The following GAS2 variants were observed in gnomAD, a reference collection of about 807,000 sequenced individuals.
GAS2 encodes growth arrest-specific protein 2.
In GAS2, 20 loss-of-function variants were observed where a neutral mutation model predicts 37.5. The observed-to-expected ratio is 0.53, with a 90% CI of 0.37 to 0.77. The LOEUF (loss-of-function observed/expected upper bound fraction) is 0.77. GAS2 is among the 30% of genes least tolerant of loss of function. GAS2 has a pLI of 0.00. For synonymous variants in GAS2, 144 were observed against 132.2 expected (o/e 1.09, Z -0.61); for missense variants, 336 against 373.4 (o/e 0.90, Z 0.82).
chr11:22,651,605 G>A (rs1848776559), intron 1 of GAS2, among the ~76,000 whole-genome samples: 1 of 151,850 alleles, frequency 6.6e-6, no homozygotes, highest in South Asian at 2.1e-4. Context: ...TTTCTTGGAG[G>A]CTGTGCTCAT....
rs1374052510 is a variant in GAS2, at chr11:22,778,806, CTG to C, written c.723+22857_723+22858del. The stretch of plus-strand genomic sequence containing the variant: ...CCAAGTGCCATGAAGAATGTTGAAA[CTG>C]TGTATGTGTGCATTTGTTCTGTGAA... On this transcript the variant is annotated intron_variant, in intron 7 of 7. Coordinates refer to ENST00000454584, the MANE Select transcript of GAS2 (RefSeq NM_001143830.3). 1.1e-3 allele frequency among the ~76,000 whole-genome samples: 164 copies of C among 152,286 alleles called. 1 individual carries two copies. The highest frequency in any genetic ancestry group is 3.2e-3 in the African/African-American group (135 of 41,562).
intron 7 of GAS2, among the ~76,000 whole-genome samples, chr11:22,803,652 A>G (rs1295635998): frequency 6.6e-6 from 1 of 152,150 alleles, no homozygotes; most frequent in Non-Finnish European, 1.5e-5. Flanking sequence ...TGATAATGAC[A>G]TTATAGATTA....
rs1850025937 is a variant in GAS2, at chr11:22,687,555, A to C, written c.267+1766A>C. 3.9e-5 allele frequency among the ~76,000 whole-genome samples: 6 copies of C among 152,312 alleles called. No homozygotes were observed. In the East Asian group the frequency reaches 1.2e-3, roughly 29 times the overall value. ...AAGATTGGCTAGTAAGTGACCAAGC[A>C]AGAATTTGACACAGACAACTTTGCA... On this transcript the variant is annotated intron_variant, in intron 3 of 7. Coordinates refer to ENST00000454584, the MANE Select transcript of GAS2 (RefSeq NM_001143830.3).
At chr11:22,635,973 A>G (rs1252980011) in intron 1 of GAS2, among the ~76,000 whole-genome samples, 1 of 151,866 alleles carries the variant, frequency 6.6e-6, no homozygotes. Context: ...GGGGACTCAC[A>G]GTTTTCTGCC....
chr11:22,715,671 A>C (rs1851639591), intron 3 of GAS2, among the ~76,000 whole-genome samples: 1 of 151,862 alleles, frequency 6.6e-6, no homozygotes, highest in Non-Finnish European at 1.5e-5. Flanking sequence ...CTCTGAAGAG[A>C]CCAATAACAA....
intron 3 of GAS2, among the ~76,000 whole-genome samples, chr11:22,699,286 G>T (rs1850703890): frequency 6.6e-6 from 1 of 152,110 alleles, no homozygotes; most frequent in African/African-American, 2.4e-5. Flanking sequence ...AGTCTTTACT[G>T]TACCCCTTCC....
At chr11:22,729,579 C>T (rs1024909388) in intron 4 of GAS2, among the ~76,000 whole-genome samples, 3 of 151,600 alleles carry the variant, frequency 2.0e-5, no homozygotes, top group Admixed American at 1.3e-4. Flanking sequence ...ATCATGTGTT[C>T]GCTACATCCT....
chr11:22,789,311 CACACACACACACACACACACAA>C (rs1440327323), intron 7 of GAS2, among the ~76,000 whole-genome samples: 1 of 94,906 alleles, frequency 1.1e-5, no homozygotes, highest in African/African-American at 4.2e-5. Flanking sequence ...TATACACACA[CACACACACACACACACACACAA>C]ACACACACAC....
At chr11:22,716,503 C>G (rs598168) in intron 3 of GAS2, among the ~76,000 whole-genome samples, 133,845 of 151,880 alleles carry the variant, frequency 0.88, 61,212 homozygotes, top group East Asian at 1. Flanking sequence ...AGTCAGGCAC[C>G]ATGACACACA....
intron 7 of GAS2, among the ~76,000 whole-genome samples, chr11:22,802,552 C>T (rs1321300779): frequency 1.3e-5 from 2 of 151,314 alleles, no homozygotes; most frequent in Non-Finnish European, 2.9e-5. Context: ...AGTAATGGAT[C>T]GCCTTGACTT....
At chr11:22,670,343 T>G (rs992942009) in intron 1 of GAS2, among the ~76,000 whole-genome samples, 1 of 151,646 alleles carries the variant, frequency 6.6e-6, no homozygotes. Flanking sequence ...CCTCTCACAC[T>G]TACTTTGAGA....
intron 3 of GAS2, among the ~76,000 whole-genome samples, chr11:22,717,743 A>G (rs1337991191): frequency 6.7e-6 from 1 of 150,324 alleles, no homozygotes; most frequent in East Asian, 2.0e-4. Context: ...ACTAATATCC[A>G]GAATCTACAA....
At chr11:22,627,189 T>C (rs1385900671) in intron 1 of GAS2, among the ~76,000 whole-genome samples, 5 of 152,266 alleles carry the variant, frequency 3.3e-5, no homozygotes, top group Non-Finnish European at 5.9e-5. Context: ...AAAATTCTTT[T>C]TCTTGGCTAC....
intron 1 of GAS2, among the ~76,000 whole-genome samples, chr11:22,659,093 A>G (rs560930025): frequency 5.9e-5 from 9 of 152,352 alleles, no homozygotes; most frequent in South Asian, 4.1e-4. Flanking sequence ...ACATGTGTCA[A>G]TGTGACTGGA....
chr11:22,716,084 A>C (rs943519816), intron 3 of GAS2, among the ~76,000 whole-genome samples: 3 of 142,148 alleles, frequency 2.1e-5, no homozygotes, highest in African/African-American at 7.3e-5. Flanking sequence ...AAGTAAAAAC[A>C]AAAAACATAC....
chr11:22,632,382 C>G (rs1858755810), intron 1 of GAS2, among the ~76,000 whole-genome samples: 1 of 152,114 alleles, frequency 6.6e-6, no homozygotes, highest in Non-Finnish European at 1.5e-5. Flanking sequence ...GGACCATAGC[C>G]CTTTCTGGCT....
chr11:22,746,822 A>G (rs1301394309), intron 5 of GAS2, among the ~76,000 whole-genome samples: 1 of 152,174 alleles, frequency 6.6e-6, no homozygotes, highest in African/African-American at 2.4e-5. Flanking sequence ...CCATGTAACA[A>G]TTCTGCACAT....
chr11:22,786,591 A>G (rs1855828756), intron 7 of GAS2, among the ~76,000 whole-genome samples: 1 of 152,284 alleles, frequency 6.6e-6, no homozygotes, highest in Middle Eastern at 3.4e-3. Context: ...CTAGAAGATA[A>G]TCGGCAATGT....
rs890698859 is a variant in GAS2, at chr11:22,788,575, T to C, written c.724-23223T>C. ...AACCACTGATAGAAAAAGCACACTA[T>C]AGTAATTACAGATCAAAAGTGATTT... On this transcript the variant is annotated intron_variant, in intron 7 of 7. Coordinates refer to ENST00000454584, the MANE Select transcript of GAS2 (RefSeq NM_001143830.3). 2.6e-5 allele frequency among the ~76,000 whole-genome samples: 4 copies of C among 152,298 alleles called. No individual in the cohort carries two copies. In the East Asian group the frequency reaches 7.7e-4, roughly 29 times the overall value.
Sources: allele counts gnomAD v4.1 joint callset (sites outside exome capture counted in the v4.1 genomes callset), GRCh38; gene constraint gnomAD v4.1.1; transcripts MANE v1.5; gene names NCBI Gene and HGNC (gene_info 2026-07-23, HGNC 2026-07-21).